Variants in TAF2 observed in about 807,000 individuals in gnomAD.
The protein encoded by TAF2 is transcription initiation factor TFIID subunit 2.
In TAF2, 61 loss-of-function variants were observed where a neutral mutation model predicts 138.5. The observed-to-expected ratio is 0.44, with a 90% confidence interval of 0.36 to 0.54. The LOEUF (loss-of-function observed/expected upper bound fraction) is 0.54. Among genes scored for constraint, TAF2 ranks in the 20% least tolerant of loss-of-function variants. The pLI is 0.00. For synonymous variants in TAF2, 475 were observed against 469.9 expected (o/e 1.01, Z -0.14); for missense variants, 1,090 against 1,427.9 (o/e 0.76, Z 3.81).
chr8:119,773,871 T>C (rs1376521020), intron 18 of TAF2, among the ~76,000 whole-genome samples: 1 of 151,640 alleles, frequency 6.6e-6, no homozygotes, highest in Admixed American at 6.8e-5. Flanking sequence ...ATAATTGTCT[T>C]ATTAAAAATA....
At chr8:119,798,503 G>A (rs552203332) in intron 6 of TAF2, among the ~76,000 whole-genome samples, 11 of 152,286 alleles carry the variant, frequency 7.2e-5, no homozygotes, top group African/African-American at 2.6e-4. Flanking sequence ...TAGAACAACC[G>A]TGTAAGGTTT....
intron 3 of TAF2, among the ~76,000 whole-genome samples, chr8:119,811,544 C>T (rs28490296): frequency 0.3 from 45,019 of 151,878 alleles, 7,716 homozygotes; most frequent in African/African-American, 0.46. Context: ...CGGTGGCTCA[C>T]GCCTGTAATC....
chr8:119,830,729 A>G (rs990679965), intron 2 of TAF2, among the ~76,000 whole-genome samples: 1 of 152,234 alleles, frequency 6.6e-6, no homozygotes, highest in Non-Finnish European at 1.5e-5. Context: ...AGAAGTTGAT[A>G]CCATCACTCA....
chr8:119,739,028 TTA>T (rs202236125), intron 25 of TAF2, among the ~76,000 whole-genome samples: 14,927 of 133,286 alleles, frequency 0.11, 1,161 homozygotes, highest in African/African-American at 0.25. Flanking sequence ...TTTTTTTTTT[TTA>T]AATTAAAAAA....
At chr8:119,736,176 C>T (rs1186231444) in intron 25 of TAF2, among the ~76,000 whole-genome samples, 1 of 152,194 alleles carries the variant, frequency 6.6e-6, no homozygotes, top group Non-Finnish European at 1.5e-5. Flanking sequence ...ATACTTACAA[C>T]CACTTCAAAA....
intron 2 of TAF2, among the ~76,000 whole-genome samples, chr8:119,829,026 G>A (rs1452760370): frequency 2.6e-5 from 4 of 152,206 alleles, no homozygotes; most frequent in African/African-American, 4.8e-5. Flanking sequence ...GTGGCTCATA[G>A]GACTTTGTAA....
chr8:119,786,467 C>T (rs1285078330), intron 14 of TAF2, among the ~76,000 whole-genome samples: 1 of 152,072 alleles, frequency 6.6e-6, no homozygotes, highest in East Asian at 1.9e-4. Flanking sequence ...GCTCCTCGGC[C>T]TCTACCTTCA....
Position 119,819,381 on chromosome 8 carries a change from G to C in TAF2, c.264C>G (p.Asp88Glu). The change falls in exon 3 of 26, where the codon GAC (aspartate) becomes GAG (glutamate). Residue 88 changes from aspartate to glutamate, a missense_variant. Asp to Glu is a conservative substitution (Grantham distance 45, BLOSUM62 2). Coordinates refer to ENST00000378164, the MANE Select transcript of TAF2 (RefSeq NM_003184.4). ...CACTGTGACAAACTTCCAAGGTTGG[G>C]TCATTATAAATAAAAGCAGCCTCTA... ...NDLEAAFIYN[D>E]PTLEVCHSES... is the part of the protein sequence containing the mutation. The C allele has an allele frequency of 3.1e-6, 5 of 1,612,938 alleles. No homozygotes were observed. The highest frequency in any genetic ancestry group is 4.2e-6 in the Non-Finnish European group (5 of 1,179,654).
intron 3 of TAF2, among the ~76,000 whole-genome samples, chr8:119,811,733 G>C (rs1240826210): frequency 6.8e-6 from 1 of 147,526 alleles, no homozygotes; most frequent in African/African-American, 2.5e-5. Flanking sequence ...ATGAACCCAA[G>C]AGGCGGAGCT....
At chr8:119,787,353 A>C (rs1276044359) in intron 14 of TAF2, among the ~76,000 whole-genome samples, 4 of 151,996 alleles carry the variant, frequency 2.6e-5, no homozygotes, top group Non-Finnish European at 5.9e-5. Context: ...CTTAAAGTAT[A>C]ATAATAATAA....
chr8:119,819,311 G>T (rs1586536386), intron 3 of TAF2, 35 bp downstream of exon 3: 1 of 1,600,756 alleles, frequency 6.2e-7, no homozygotes. Flanking sequence ...TTTCAAAACT[G>T]TTAAAAATAG....
intron 10 of TAF2, among the ~76,000 whole-genome samples, chr8:119,792,657 C>T (rs1823522606): frequency 6.6e-6 from 1 of 152,134 alleles, no homozygotes; most frequent in Non-Finnish European, 1.5e-5. Context: ...CCCAACGCAA[C>T]AGTCTTAAGA....
At chr8:119,795,038 C>T (rs544559365) in intron 9 of TAF2, among the ~76,000 whole-genome samples, 29 of 141,522 alleles carry the variant, frequency 2.0e-4, no homozygotes, top group African/African-American at 5.2e-4. Context: ...ATCTTTAAAT[C>T]GTTAAAAAAA....
At chr8:119,825,206 G>A (rs1441857325) in intron 2 of TAF2, among the ~76,000 whole-genome samples, 1 of 152,266 alleles carries the variant, frequency 6.6e-6, no homozygotes, top group East Asian at 1.9e-4. Context: ...AGTCAAGGGA[G>A]ATCATTTTGG....
chr8:119,783,674 A>G, intron 15 of TAF2, 41 bp from the exon 16 acceptor site: 2 of 1,568,286 alleles, frequency 1.3e-6, no homozygotes, highest in Non-Finnish European at 1.7e-6. Context: ...TAATTTTTAA[A>G]CTTATCATCT....
At chr8:119,805,543 T>C (rs1418650215) in intron 4 of TAF2, among the ~76,000 whole-genome samples, 1 of 151,818 alleles carries the variant, frequency 6.6e-6, no homozygotes, top group Non-Finnish European at 1.5e-5. Context: ...CTGTCTCTAC[T>C]AAAAATACAA....
chr8:119,802,047 T>C lies in TAF2; in HGVS notation c.561-22A>G, dbSNP rs117382795. The C allele has an allele frequency of 1.3e-4, 211 of 1,572,806 alleles. No homozygotes were observed. The East Asian group carries it at 4.1e-3, about 31-fold the overall frequency. ...AAATCTAGAAAAAAGATTGACAGTATAGAAAATGTATTCAAAGAGTTCTCT... is the reference window on the plus strand; with the variant it reads ...AAATCTAGAAAAAAGATTGACAGTACAGAAAATGTATTCAAAGAGTTCTCT... On this transcript the variant is annotated intron_variant, in intron 5 of 25. Coordinates refer to ENST00000378164, the MANE Select transcript of TAF2 (RefSeq NM_003184.4).
At chr8:119,747,599 G>A (rs141889595) in intron 22 of TAF2, among the ~76,000 whole-genome samples, 6 of 152,124 alleles carry the variant, frequency 3.9e-5, no homozygotes, top group East Asian at 3.9e-4. Flanking sequence ...AAGTCATACC[G>A]TACCCCACAG....
chr8:119,799,292 G>C (rs985205998), intron 6 of TAF2, among the ~76,000 whole-genome samples: 4 of 151,998 alleles, frequency 2.6e-5, no homozygotes, highest in Admixed American at 6.6e-5. Context: ...ATCTCCTAAT[G>C]CTATCCCTCC....
Sources: gnomAD v4.1 joint callset for allele counts (sites outside exome capture counted in the v4.1 genomes callset) on GRCh38, gnomAD v4.1.1 for gene constraint, MANE v1.5 for transcripts, NCBI Gene and HGNC (gene_info 2026-07-23, HGNC 2026-07-21) for gene names.